Variants in CDH13 observed in about 807,000 individuals in gnomAD.
CDH13 encodes cadherin 13, also known as cadherin-13.
A neutral mutation model predicts 63.8 loss-of-function variants in CDH13; 24 were observed. The ratio of observed to expected loss-of-function variants is 0.38; its 90% CI spans 0.27 to 0.53. The LOEUF is 0.53. Ranked by LOEUF, CDH13 falls within the 20% of genes least tolerant of loss-of-function variation. The pLI is 0.85. For synonymous variants in CDH13, 503 were observed against 355.3 expected (o/e 1.42, Z -4.67); for missense variants, 1,049 against 903.1 (o/e 1.16, Z -2.07).
intron 5 of CDH13, among the ~76,000 whole-genome samples, chr16:83,226,303 G>T (rs1283047883): frequency 6.6e-6 from 1 of 152,180 alleles, no homozygotes; most frequent in Non-Finnish European, 1.5e-5. Context: ...AGACTGCTGA[G>T]TTGCTTCTGA....
chr16:82,970,974 A>G (rs1389906229), intron 2 of CDH13, among the ~76,000 whole-genome samples: 2 of 152,234 alleles, frequency 1.3e-5, no homozygotes, highest in African/African-American at 4.8e-5. Context: ...AAAAGGTTTC[A>G]CATAGACTAG....
chr16:83,311,412 C>T (rs756147348), intron 5 of CDH13, among the ~76,000 whole-genome samples: 8 of 152,192 alleles, frequency 5.3e-5, no homozygotes, highest in South Asian at 2.1e-4. Context: ...AGAGAAAATA[C>T]TTTCTCTCCA....
chr16:83,463,761 C>A (rs1451662730), intron 6 of CDH13, among the ~76,000 whole-genome samples: 1 of 152,202 alleles, frequency 6.6e-6, no homozygotes, highest in Non-Finnish European at 1.5e-5. Flanking sequence ...GCTATGATCA[C>A]ATCTCTGCAT....
intron 4 of CDH13, among the ~76,000 whole-genome samples, chr16:83,152,839 T>A (rs1194401571): frequency 6.6e-6 from 1 of 152,134 alleles, no homozygotes; most frequent in East Asian, 1.9e-4. Context: ...ATGATATAGA[T>A]TGGGTCTTTA....
intron 6 of CDH13, among the ~76,000 whole-genome samples, chr16:83,394,479 A>T (rs547164149): frequency 6.6e-6 from 1 of 152,212 alleles, no homozygotes; most frequent in African/African-American, 2.4e-5. Context: ...TACTGGAGGA[A>T]TTGTAAGGAT....
At chr16:83,508,457 A>G (rs2074476644) in intron 7 of CDH13, 1 of 153,160 alleles carries the variant, frequency 6.5e-6, no homozygotes, top group Non-Finnish European at 1.5e-5. Context: ...ACTCCCATAC[A>G]GGCTTTCAAC....
chr16:83,051,054 G>C (rs1358200593), intron 3 of CDH13, among the ~76,000 whole-genome samples: 1 of 152,140 alleles, frequency 6.6e-6, no homozygotes, highest in Non-Finnish European at 1.5e-5. Context: ...TTTCTTTTAA[G>C]TTTATCTTTC....
intron 7 of CDH13, among the ~76,000 whole-genome samples, chr16:83,588,054 G>C (rs1906344437): frequency 2.0e-5 from 3 of 152,046 alleles, no homozygotes; most frequent in Non-Finnish European, 2.9e-5. Flanking sequence ...GAGATGTGTG[G>C]CTGGCCTAGG....
chr16:83,724,050 A>G (rs1477484507), intron 10 of CDH13, among the ~76,000 whole-genome samples: 1 of 151,668 alleles, frequency 6.6e-6, no homozygotes, highest in African/African-American at 2.4e-5. Flanking sequence ...TGAGTGGTGA[A>G]TGCGTGGGTG....
At chr16:83,046,214 A>G (rs144951175) in intron 3 of CDH13, among the ~76,000 whole-genome samples, 241 of 152,326 alleles carry the variant, frequency 1.6e-3, no homozygotes, top group African/African-American at 5.4e-3. Context: ...AAATAAGAGG[A>G]AAGCCTTCAT....
At chr16:83,524,817 G>C (rs886457089) in intron 7 of CDH13, among the ~76,000 whole-genome samples, 1 of 152,118 alleles carries the variant, frequency 6.6e-6, no homozygotes, top group Non-Finnish European at 1.5e-5. Context: ...AGCACTGAGA[G>C]TGTCAAGTTT....
intron 13 of CDH13, among the ~76,000 whole-genome samples, chr16:83,784,273 A>T (rs779322414): frequency 4.6e-5 from 7 of 152,196 alleles, no homozygotes; most frequent in Non-Finnish European, 8.8e-5. Context: ...AGGAAATCAC[A>T]TAGTACAACA....
chr16:83,221,724 C>T (rs1049260460), intron 5 of CDH13, among the ~76,000 whole-genome samples: 1 of 151,988 alleles, frequency 6.6e-6, no homozygotes, highest in Admixed American at 6.6e-5. Context: ...TGGCCAAGAC[C>T]ATGGTAGCAG....
At chr16:83,104,898 G>T (rs916430057) in intron 3 of CDH13, among the ~76,000 whole-genome samples, 1 of 152,194 alleles carries the variant, frequency 6.6e-6, no homozygotes, top group Non-Finnish European at 1.5e-5. Flanking sequence ...TTCTGGCAAT[G>T]AGTGCTTCCT....
chr16:82,945,366 A>G (rs1454911186), intron 2 of CDH13, among the ~76,000 whole-genome samples: 2 of 152,186 alleles, frequency 1.3e-5, no homozygotes, highest in African/African-American at 4.8e-5. Flanking sequence ...GTCAAGCCTC[A>G]GTGTAGGTCT....
At chr16:83,390,382 G>C (rs377715699) in intron 6 of CDH13, among the ~76,000 whole-genome samples, 6 of 152,138 alleles carry the variant, frequency 3.9e-5, no homozygotes, top group African/African-American at 1.4e-4. Context: ...AACCATGTAT[G>C]GTTAAGTCCC....
At chr16:83,099,639 T>TTTTTTTTTTTTTTTTTTTTGAG (rs1449900581) in intron 3 of CDH13, among the ~76,000 whole-genome samples, 2 of 150,822 alleles carry the variant, frequency 1.3e-5, no homozygotes, top group Admixed American at 6.7e-5. Context: ...ATATTACTTC[T>TTTTTTTTTTTTTTTTTTTTGAG]AATCCTTAAC....
intron 10 of CDH13, among the ~76,000 whole-genome samples, chr16:83,685,598 A>G (rs572371967): frequency 2.0e-5 from 3 of 152,342 alleles, no homozygotes; most frequent in South Asian, 2.1e-4. Flanking sequence ...GCTTATCGTC[A>G]TAAGAGCAAG....
At chr16:83,407,357 C>T (rs749728919) in intron 6 of CDH13, among the ~76,000 whole-genome samples, 2 of 152,188 alleles carry the variant, frequency 1.3e-5, no homozygotes, top group Admixed American at 1.3e-4. Context: ...TATTAGGCTC[C>T]TGCTATATGC....
Sources: allele counts gnomAD v4.1 joint callset (sites outside exome capture counted in the v4.1 genomes callset), GRCh38; gene constraint gnomAD v4.1.1; transcripts MANE v1.5; gene names NCBI Gene and HGNC (gene_info 2026-07-23, HGNC 2026-07-21).